ADGRB3: variants seen among roughly 807,000 people sequenced by gnomAD.
ADGRB3 encodes brain-specific angiogenesis inhibitor 3.
A neutral mutation model predicts 193.4 loss-of-function variants in ADGRB3; 37 were observed. That is an observed-to-expected ratio of 0.19 (90% CI 0.15 to 0.25). The LOEUF is 0.25. Ranked by LOEUF, ADGRB3 falls within the 10% of genes least tolerant of loss-of-function variation. ADGRB3 has a pLI of 1.00. For synonymous variants in ADGRB3, 690 were observed against 644.2 expected (o/e 1.07, Z -1.08); for missense variants, 1,637 against 1,852.9 (o/e 0.88, Z 2.14).
chr6:69,270,551 C>A (rs750978038), intron 20 of ADGRB3, among the ~76,000 whole-genome samples: 2 of 152,012 alleles, frequency 1.3e-5, no homozygotes, highest in Non-Finnish European at 2.9e-5. Context: ...TCAAATTGTT[C>A]TTTTAAGGAA....
intron 10 of ADGRB3, among the ~76,000 whole-genome samples, chr6:68,986,562 A>G (rs756271487): frequency 1.3e-5 from 2 of 152,188 alleles, no homozygotes; most frequent in Non-Finnish European, 2.9e-5. Flanking sequence ...AATAATCTCT[A>G]TATTTCCTGG....
At chr6:69,259,904 T>A (rs533819262) in intron 20 of ADGRB3, among the ~76,000 whole-genome samples, 1 of 152,246 alleles carries the variant, frequency 6.6e-6, no homozygotes, top group Non-Finnish European at 1.5e-5. Flanking sequence ...TAGGTTATAA[T>A]AAGCCTAACT....
intron 20 of ADGRB3, among the ~76,000 whole-genome samples, chr6:69,314,292 G>A (rs1276908443): frequency 2.6e-5 from 4 of 151,452 alleles, no homozygotes; most frequent in Non-Finnish European, 5.9e-5. Flanking sequence ...CTTTTTAATA[G>A]TGATGCTTTA....
At chr6:68,930,806 A>G (rs1459479463) in intron 4 of ADGRB3, 137 bp downstream of exon 4, 3 of 638,310 alleles carry the variant, frequency 4.7e-6, no homozygotes, top group Non-Finnish European at 7.9e-6. Context: ...GTCACCAGTT[A>G]AAGTCCATAA....
intron 3 of ADGRB3, among the ~76,000 whole-genome samples, chr6:68,712,418 G>C (rs1715069295): frequency 6.6e-6 from 1 of 151,952 alleles, no homozygotes; most frequent in African/African-American, 2.4e-5. Context: ...ATGCAAATGT[G>C]AATTTTTGCC....
intron 3 of ADGRB3, among the ~76,000 whole-genome samples, chr6:68,885,885 C>T (rs1362458563): frequency 1.3e-5 from 2 of 151,872 alleles, no homozygotes; most frequent in Non-Finnish European, 2.9e-5. Context: ...GAGTCAAAAT[C>T]CTAGACTAAG....
intron 3 of ADGRB3, among the ~76,000 whole-genome samples, chr6:68,881,000 T>C (rs1381299648): frequency 1.3e-5 from 2 of 152,152 alleles, no homozygotes; most frequent in South Asian, 2.1e-4. Context: ...TTTATGTTTT[T>C]TTAAGTGGTC....
At chr6:68,837,137 A>G (rs555762630) in intron 3 of ADGRB3, among the ~76,000 whole-genome samples, 19 of 152,308 alleles carry the variant, frequency 1.2e-4, no homozygotes, top group African/African-American at 4.6e-4. Flanking sequence ...ACCCCAAACC[A>G]GGAACTGCAT....
chr6:69,235,167 A>G, intron 19 of ADGRB3, 32 bp downstream of exon 19: 5 of 1,456,372 alleles, frequency 3.4e-6, no homozygotes, highest in South Asian at 2.3e-5. Flanking sequence ...CTGAAATGCA[A>G]TGCTTAGTTG....
At chr6:69,364,367 A>G (rs1769524415) in intron 29 of ADGRB3, among the ~76,000 whole-genome samples, 1 of 152,036 alleles carries the variant, frequency 6.6e-6, no homozygotes, top group Non-Finnish European at 1.5e-5. Context: ...GTATTTATTC[A>G]AATAAGCAAG....
chr6:69,039,886 C>T lies in ADGRB3; in HGVS notation c.2108-8299C>T, dbSNP rs567198292. On this transcript the variant is annotated intron_variant, in intron 13 of 31. Transcript: ENST00000370598. ...CCTCCCGAGTAGCTGGGACTACAGG[C>T]GCGTGCCACCACACCCAGCTAATTT... Among the ~76,000 whole-genome samples, 477 of 151,592 alleles carry T rather than the reference C, an allele frequency of 3.1e-3. 4 individuals are homozygous for T. The highest frequency in any genetic ancestry group is 0.011 in the African/African-American group (445 of 41,346).
chr6:69,247,836 G>GTA (rs1766531942), intron 20 of ADGRB3, among the ~76,000 whole-genome samples: 1 of 152,120 alleles, frequency 6.6e-6, no homozygotes, highest in Non-Finnish European at 1.5e-5. Context: ...TATAATAGGA[G>GTA]TATAGCCACT....
intron 31 of ADGRB3, among the ~76,000 whole-genome samples, chr6:69,388,246 A>C (rs1444371514): frequency 6.6e-6 from 1 of 152,128 alleles, no homozygotes. Context: ...TATTTAATGG[A>C]ATTCTGTTAC....
intron 17 of ADGRB3, among the ~76,000 whole-genome samples, chr6:69,207,651 T>C (rs905156849): frequency 6.6e-6 from 1 of 152,166 alleles, no homozygotes; most frequent in Non-Finnish European, 1.5e-5. Context: ...CTGCAAAGTA[T>C]TGTCACATAG....
At chr6:69,010,455 GT>G (rs1471423839) in intron 11 of ADGRB3, among the ~76,000 whole-genome samples, 1 of 151,988 alleles carries the variant, frequency 6.6e-6, no homozygotes, top group Non-Finnish European at 1.5e-5. Context: ...CATGCAGCCA[GT>G]CATAAAAAAA....
At chr6:68,777,589 A>G (rs1766771614) in intron 3 of ADGRB3, among the ~76,000 whole-genome samples, 2 of 146,758 alleles carry the variant, frequency 1.4e-5, no homozygotes, top group South Asian at 4.7e-4. Context: ...TAAAATAAAT[A>G]TGCCCTTCTT....
chr6:68,752,580 G>A (rs1338470854), intron 3 of ADGRB3, among the ~76,000 whole-genome samples: 5 of 152,062 alleles, frequency 3.3e-5, no homozygotes, highest in Non-Finnish European at 7.4e-5. Context: ...GCTAGTTGTG[G>A]TAGGATATTC....
intron 3 of ADGRB3, among the ~76,000 whole-genome samples, chr6:68,647,200 C>T (rs186477013): frequency 5.6e-4 from 85 of 152,184 alleles, no homozygotes; most frequent in Admixed American, 8.5e-4. Flanking sequence ...AGGTATTTTT[C>T]ATTATGTTTA....
chr6:69,054,792 A>C (rs1255996788), intron 15 of ADGRB3, among the ~76,000 whole-genome samples: 1 of 152,182 alleles, frequency 6.6e-6, no homozygotes, highest in Admixed American at 6.5e-5. Flanking sequence ...TTCAAGCTTT[A>C]AGTAAACCCA....
Sources: gnomAD v4.1 joint callset for allele counts (sites outside exome capture counted in the v4.1 genomes callset) on GRCh38, gnomAD v4.1.1 for gene constraint, MANE v1.5 for transcripts, NCBI Gene and HGNC (gene_info 2026-07-23, HGNC 2026-07-21) for gene names.